OLFML2A: variants seen among roughly 807,000 people sequenced by gnomAD.
OLFML2A encodes olfactomedin-like protein 2A.
In OLFML2A, 47 loss-of-function variants were observed where a neutral mutation model predicts 60.9. The observed-to-expected ratio is 0.77, with a 90% CI of 0.61 to 0.98. The LOEUF is 0.98. Among genes scored for constraint, OLFML2A ranks in the 50% least tolerant of loss-of-function variants. OLFML2A has a pLI of 0.00. For synonymous variants in OLFML2A, 372 were observed against 375.0 expected, an observed-to-expected ratio of 0.99 and a Z score of 0.09; for missense variants, 922 against 879.8, an observed-to-expected ratio of 1.05 and a Z score of -0.61.
Position 124,810,631 on chromosome 9 carries a change from C to T in OLFML2A, c.*219C>T, listed in dbSNP as rs1020683721. 2 of 583,456 alleles carry T rather than the reference C, an allele frequency of 3.4e-6. No homozygotes were observed. Among genetic ancestry groups the T allele is most frequent in the Non-Finnish European group, 3.0e-6 (1 of 328,080 alleles). 36.1% of individuals were successfully genotyped at this position (583,456 alleles called of 1,614,324 possible). ...GCCAAGCACTTCCCACACACTTACC[C>T]GTTTGATTCTCCTAGCACCTCCCTT... On this transcript the variant is annotated 3_prime_UTR_variant, in exon 8 of 8. Coordinates refer to ENST00000373580, the MANE Select transcript of OLFML2A (RefSeq NM_182487.4).
At chr9:124,804,796 T>C (rs1841858178) in intron 6 of OLFML2A, among the ~76,000 whole-genome samples, 1 of 149,594 alleles carries the variant, frequency 6.7e-6, no homozygotes. Context: ...GCAACCTCCA[T>C]CCCCCGGGTT....
At chr9:124,780,093 G>T (rs1352558235) in intron 1 of OLFML2A, among the ~76,000 whole-genome samples, 2 of 152,200 alleles carry the variant, frequency 1.3e-5, no homozygotes, top group Non-Finnish European at 2.9e-5. Flanking sequence ...ACTGGATTTT[G>T]AGTTTCCATC....
At chr9:124,797,542 C>A (rs929856965) in intron 3 of OLFML2A, among the ~76,000 whole-genome samples, 1 of 152,230 alleles carries the variant, frequency 6.6e-6, no homozygotes, top group African/African-American at 2.4e-5. Flanking sequence ...GGACGTCAAT[C>A]ACTTTTAGGT....
chr9:124,803,263 T>C (rs538770637), intron 5 of OLFML2A, among the ~76,000 whole-genome samples: 7 of 151,686 alleles, frequency 4.6e-5, no homozygotes, highest in Non-Finnish European at 7.4e-5. Context: ...TTCCTTCCTT[T>C]CTTTCTTTTT....
At chr9:124,793,241 C>T (rs1307282147) in intron 2 of OLFML2A, among the ~76,000 whole-genome samples, 1 of 152,200 alleles carries the variant, frequency 6.6e-6, no homozygotes. Context: ...GTTTCCCAAC[C>T]AGCCCCTTGT....
chr9:124,805,799 G>GT (rs1282716971), intron 6 of OLFML2A, among the ~76,000 whole-genome samples: 3 of 131,488 alleles, frequency 2.3e-5, no homozygotes, highest in Admixed American at 8.3e-5. Flanking sequence ...TGTTGTTTTG[G>GT]TTTTTTTGGT....
At position 124,777,791 on chromosome 9, in the gene OLFML2A, G is replaced by A. The variant is rs1226466662; in HGVS notation, c.90+431G>A. On this transcript the variant is annotated intron_variant, in intron 1 of 7. Coordinates refer to ENST00000373580, the MANE Select transcript of OLFML2A (RefSeq NM_182487.4). The surrounding 1 kb of genome is among the most constrained non-coding windows in gnomAD (Gnocchi z 6.2). The stretch of plus-strand genomic sequence containing the variant: ...TTCTCTACCCGATGAACGCAGCCGC[G>A]CTGGCCACTCGCCTGGCCTCTGATG... Among the ~76,000 whole-genome samples the A allele has an allele frequency of 6.6e-6, 1 of 152,086 alleles. No individual in the cohort carries two copies. Among genetic ancestry groups the A allele is most frequent in the Admixed American group, 6.5e-5 (1 of 15,270 alleles).
rs376560265 is a variant in OLFML2A, at chr9:124,809,842, C to A, written c.1389C>A (p.Asn463Lys). 12 of 1,612,816 alleles carry A rather than the reference C, an allele frequency of 7.4e-6. No individual in the cohort carries two copies. In the African/African-American group the frequency reaches 1.1e-4, roughly 14 times the overall value. Residue 463 changes from asparagine to lysine, a missense_variant, in exon 8 of 8, where the codon AAC becomes AAA. By Grantham distance (94) the Asn-to-Lys change is moderately conservative. Transcript: ENST00000373580. ...GTAACATGTACAAGCTACCCTACAA[C>A]TGGATCGGCACAGGCCACGTGGTGT... ...RWSNMYKLPY[N>K]WIGTGHVVYQ...
Position 124,811,470 on chromosome 9 carries a change from GCA to G in OLFML2A, c.*1061_*1062del, listed in dbSNP as rs1332212408. On this transcript the variant is annotated 3_prime_UTR_variant, in exon 8 of 8. Coordinates refer to ENST00000373580, the MANE Select transcript of OLFML2A (RefSeq NM_182487.4). ...CCAAGTCTGGTGTGGTGCCAGGATGGCACAGTTTCCCTCTTCCTTGCCAGCCC... is the reference window on the plus strand; with the variant it reads ...CCAAGTCTGGTGTGGTGCCAGGATGGCAGTTTCCCTCTTCCTTGCCAGCCC... 6.5e-6 allele frequency: 1 copy of G among 152,830 alleles called. No homozygotes were observed. The highest frequency in any genetic ancestry group is 1.9e-4 in the East Asian group (1 of 5,200). 9.5% of individuals were successfully genotyped at this position (152,830 alleles called of 1,614,324 possible). A position where few individuals can be genotyped will look rare whatever the true frequency, so the allele number is the denominator to read the frequency against.
chr9:124,804,309 G>C lies in OLFML2A; in HGVS notation c.1135G>C (p.Glu379Gln). Reference protein sequence around the residue: ...PTPTTSLLPTEPPSGPEVSSQ... With the variant: ...PTPTTSLLPTQPPSGPEVSSQ... Reference sequence around the variant, plus strand: ...CCCCACCACCAGTCTCCTGCCCACCGAGCCACCTTCAGGTCCAGAAGTCTC... The same window carrying C: ...CCCCACCACCAGTCTCCTGCCCACCCAGCCACCTTCAGGTCCAGAAGTCTC... Residue 379 changes from glutamate (E) to glutamine (Q), a missense_variant, in exon 6 of 8, where the codon GAG becomes CAG. By Grantham distance (29) the Glu-to-Gln change is conservative. Transcript: ENST00000373580. 2 of 999,112 alleles carry C rather than the reference G, an allele frequency of 2.0e-6. No individual in the cohort carries two copies. The highest frequency in any genetic ancestry group is 6.4e-5 in the East Asian group (1 of 15,604). 61.9% of individuals were successfully genotyped at this position (999,112 alleles called of 1,614,324 possible).
At chr9:124,801,720 T>G in intron 5 of OLFML2A, 57 bp downstream of exon 5, 1 of 1,559,784 alleles carries the variant, frequency 6.4e-7, no homozygotes, top group East Asian at 2.3e-5. Context: ...CTCCTAGGAA[T>G]CCCCTCATCT....
rs1452589738 is a variant in OLFML2A at position 124,811,501 on chromosome 9, C to G, written c.*1089C>G. 1 of 152,816 alleles carries G rather than the reference C, an allele frequency of 6.5e-6. No individual in the cohort carries two copies. Among genetic ancestry groups the G allele is most frequent in the African/African-American group, 2.4e-5 (1 of 41,480 alleles). 9.5% of individuals were successfully genotyped at this position (152,816 alleles called of 1,614,324 possible). A position where few individuals can be genotyped will look rare whatever the true frequency, so the allele number is the denominator to read the frequency against. ...TTTCCCTCTTCCTTGCCAGCCCTGA[C>G]CTGGTCACTGGGCAGGCTGGCCCAG... On this transcript the variant is annotated 3_prime_UTR_variant, in exon 8 of 8. Transcript: ENST00000373580.
rs751993567 is a variant in OLFML2A at position 124,804,134 on chromosome 9, G to A, written c.960G>A (p.Pro320=). The change falls in exon 6 of 8, where the codon CCG becomes CCA. Residue 320 remains proline, a synonymous_variant. Transcript: ENST00000373580. Reference sequence around the variant, plus strand: ...GCACTTCCTGGCTGGAGCAACTGCCGCCCAAGGTGGAGGGCAGGTCCAACT... The same window carrying A: ...GCACTTCCTGGCTGGAGCAACTGCCACCCAAGGTGGAGGGCAGGTCCAACT... ...LQGTSWLEQL[P]PKVEGRSNSA... is the part of the protein sequence containing the mutation. 1.2e-5 allele frequency: 19 copies of A among 1,613,936 alleles called. No individual in the cohort carries two copies. The highest frequency in any genetic ancestry group is 6.7e-5 in the African/African-American group (5 of 74,916).
chr9:124,807,561 G>T (rs2131279473), intron 6 of OLFML2A, among the ~76,000 whole-genome samples: 1 of 152,304 alleles, frequency 6.6e-6, no homozygotes, highest in African/African-American at 2.4e-5. Flanking sequence ...GGGATTATAG[G>T]CGTCAGCCAT....
intron 3 of OLFML2A, among the ~76,000 whole-genome samples, chr9:124,795,828 G>A (rs1198961571): frequency 6.6e-6 from 1 of 152,244 alleles, no homozygotes; most frequent in African/African-American, 2.4e-5. Context: ...TGGCAGGACT[G>A]ACCGAGCCCA....
intron 1 of OLFML2A, among the ~76,000 whole-genome samples, chr9:124,786,541 A>G (rs1356916776): frequency 6.6e-6 from 1 of 151,900 alleles, no homozygotes; most frequent in Non-Finnish European, 1.5e-5. Context: ...TAACACAGTG[A>G]AACCCCATCT....
rs966699078 is a variant in OLFML2A at position 124,807,951 on chromosome 9, G to T, written c.1339G>T (p.Glu447Ter). 1.9e-6 allele frequency: 3 copies of T among 1,614,024 alleles called. No individual in the cohort carries two copies. Among genetic ancestry groups the T allele is most frequent in the Middle Eastern group, 3.3e-4 (2 of 6,062 alleles). ...CAGCCTGGTGGAGTTCCGCAACCTG[G>T]AAAACTTCAAGCAAGGTCAGGGACC... The part of the protein sequence containing the change: ...GNSLVEFRNL[E>*]NFKQGRWSNM... The change falls in exon 7 of 8, where the codon GAA becomes TAA. Residue 447 changes from glutamate (E) to a stop codon, truncating the protein, a stop_gained. Transcript: ENST00000373580. LOFTEE classifies it high-confidence loss of function.
rs149712970 is a variant in OLFML2A at position 124,807,016 on chromosome 9, C to T, written c.1169-765C>T. Among the ~76,000 whole-genome samples, 1,119 of 151,518 alleles carry T rather than the reference C, an allele frequency of 7.4e-3. 8 individuals carry two copies. The highest frequency in any genetic ancestry group is 0.026 in the African/African-American group (1,076 of 41,254). On this transcript the variant is annotated intron_variant, in intron 6 of 7. Transcript: ENST00000373580. ...GCAGCCTCAATATCCCAGGCTCAAG[C>T]AATCCTCCCACCTCAGCCTCCCCAG...
chr9:124,805,930 C>T (rs1841890328), intron 6 of OLFML2A, among the ~76,000 whole-genome samples: 1 of 148,826 alleles, frequency 6.7e-6, no homozygotes, highest in African/African-American at 2.5e-5. Context: ...ATTCTCCTGC[C>T]TCAGCCTCCC....
Sources: allele counts gnomAD v4.1 joint callset (sites outside exome capture counted in the v4.1 genomes callset), GRCh38; gene constraint gnomAD v4.1.1; non-coding constraint Gnocchi (gnomAD v3.1); transcripts MANE v1.5; gene names NCBI Gene and HGNC (gene_info 2026-07-23, HGNC 2026-07-21).